The following SIRT4 variants were observed in gnomAD, a reference collection of about 807,000 sequenced individuals.
SIRT4 encodes the protein sirtuin 4.
A neutral mutation model predicts 26.1 loss-of-function variants in SIRT4; 23 were observed. That is an observed-to-expected ratio of 0.88 (90% CI 0.63 to 1.25). The LOEUF (loss-of-function observed/expected upper bound fraction) is 1.25. Among genes scored for constraint, SIRT4 ranks in the 50% most tolerant of loss-of-function variants. The probability of loss-of-function intolerance (pLI) is 0.00; values close to 1 mark genes in which losing one functional copy is unlikely to be tolerated. For missense variants in SIRT4, 361 were observed against 405.4 expected (o/e 0.89, Z 0.94); for synonymous variants, 155 against 158.4 (o/e 0.98, Z 0.16).
intron 2 of SIRT4, among the ~76,000 whole-genome samples, chr12:120,310,320 C>G (rs374403432): frequency 6.6e-6 from 1 of 151,916 alleles, no homozygotes; most frequent in Non-Finnish European, 1.5e-5. Context: ...GAGCCGAGAT[C>G]GCGCCATTGC....
chr12:120,299,545 C>T (rs1231810875), upstream of SIRT4, among the ~76,000 whole-genome samples: 1 of 95,618 alleles, frequency 1.0e-5, no homozygotes, highest in Admixed American at 1.2e-4. Context: ...GAGCTAGACT[C>T]TCTCAAAAAA....
chr12:120,311,870 G>GAA (rs1312650832), intron 2 of SIRT4, among the ~76,000 whole-genome samples: 1 of 151,884 alleles, frequency 6.6e-6, no homozygotes. Flanking sequence ...ATGAGCAAGG[G>GAA]AAAGTATAGA....
upstream of SIRT4, among the ~76,000 whole-genome samples, chr12:120,299,517 A>T (rs2136822830): frequency 6.7e-6 from 1 of 150,334 alleles, no homozygotes; most frequent in South Asian, 2.1e-4. Context: ...GCGCCACTGC[A>T]CTCCAGCCTG....
chr12:120,301,519 G>T (rs115317963), upstream of SIRT4, among the ~76,000 whole-genome samples: 20 of 152,144 alleles, frequency 1.3e-4, no homozygotes, highest in Non-Finnish European at 2.9e-5. Flanking sequence ...TCAAATCTAG[G>T]CCGGGAACAG....
At chr12:120,308,023 A>AT (rs1872807815) in intron 2 of SIRT4, among the ~76,000 whole-genome samples, 2 of 150,512 alleles carry the variant, frequency 1.3e-5, no homozygotes, top group African/African-American at 4.9e-5. Context: ...TTAAAAAAAA[A>AT]ATTTTTTTTT....
At chr12:120,300,467 A>G (rs539701889), upstream of SIRT4, among the ~76,000 whole-genome samples, 73 of 152,158 alleles carry the variant, frequency 4.8e-4, 1 homozygote, top group Middle Eastern at 6.8e-3. Context: ...TTTTGAAGAG[A>G]TGGGATCTCA....
chr12:120,299,222 A>AAAATAAATAAATAAAT (rs34606459), upstream of SIRT4, among the ~76,000 whole-genome samples: 2 of 143,590 alleles, frequency 1.4e-5, no homozygotes, highest in African/African-American at 5.1e-5. Context: ...CTCCGTCTCA[A>AAAATAAATAAATAAAT]AAATAAATAA....
chr12:120,301,237 C>A (rs1872533157), upstream of SIRT4, among the ~76,000 whole-genome samples: 1 of 152,064 alleles, frequency 6.6e-6, no homozygotes, highest in Admixed American at 6.6e-5. Context: ...CCCTGCTACT[C>A]AGGAGGCTGA....
chr12:120,302,807 C>T (rs1476078850), intron 1 of SIRT4, among the ~76,000 whole-genome samples: 3 of 151,268 alleles, frequency 2.0e-5, no homozygotes, highest in Non-Finnish European at 4.4e-5. Context: ...GCAACCTCCG[C>T]CTCCCGGGTT....
Position 120,303,802 on chromosome 12 carries a change from C to A in SIRT4, c.241C>A (p.Leu81Ile). 6.2e-7 allele frequency: 1 copy of A among 1,614,078 alleles called. No homozygotes were observed. The highest frequency in any genetic ancestry group is 8.5e-7 in the Non-Finnish European group (1 of 1,179,974). The change falls in exon 2 of 4, where the codon CTT becomes ATT. Residue 81 changes from leucine (L) to isoleucine (I), a missense_variant. Coordinates refer to ENST00000202967, the MANE Select transcript of SIRT4 (RefSeq NM_012240.3). ...IPDYRSEKVG[L>I]YARTDRRPIQ... ...AGACTACAGGTCAGAAAAAGTGGGG[C>A]TTTATGCCCGCACTGACCGCAGGCC...
chr12:120,303,909 C>A lies in SIRT4; in HGVS notation c.348C>A (p.Phe116Leu). 6.2e-7 allele frequency: 1 copy of A among 1,614,202 alleles called. No individual in the cohort carries two copies. The highest frequency in any genetic ancestry group is 8.5e-7 in the Non-Finnish European group (1 of 1,180,038). ...WARNFVGWPQFSSHQPNPAHW... is the reference protein window; with the variant it reads ...WARNFVGWPQLSSHQPNPAHW... ...GAAACTTCGTAGGCTGGCCTCAATT[C>A]TCCTCCCACCAGCCTAACCCTGCAC... Residue 116 changes from phenylalanine (F) to leucine (L), a missense_variant, in exon 2 of 4, where the codon TTC (phenylalanine) becomes TTA (leucine). Physicochemically the swap from Phe to Leu is conservative, Grantham distance 22. Transcript: ENST00000202967.
At chr12:120,311,096 TG>T (rs1565872467) in intron 2 of SIRT4, among the ~76,000 whole-genome samples, 2 of 141,686 alleles carry the variant, frequency 1.4e-5, no homozygotes, top group African/African-American at 5.2e-5. Flanking sequence ...CAGTGGCTCA[TG>T]CCTGTAATCC....
In SIRT4 at chr12:120,312,767, G is replaced by C. The variant is rs1466217651; in HGVS notation, c.792+17G>C. ...TCCTTGCAGGTATCTGACTTGGCAA[G>C]AGTGGTAACCACCCCTTGTGCGGGA... On this transcript the variant is annotated intron_variant, in intron 3 of 3. Coordinates refer to ENST00000202967, the MANE Select transcript of SIRT4 (RefSeq NM_012240.3). 6.2e-7 allele frequency: 1 copy of C among 1,609,154 alleles called. No individual in the cohort carries two copies. The highest frequency in any genetic ancestry group is 8.5e-7 in the Non-Finnish European group (1 of 1,177,036).
At chr12:120,301,006 G>A (rs1179514128), upstream of SIRT4, among the ~76,000 whole-genome samples, 1 of 152,172 alleles carries the variant, frequency 6.6e-6, no homozygotes, top group Non-Finnish European at 1.5e-5. Flanking sequence ...AGCAGGTTAA[G>A]TACATTAGTC....
upstream of SIRT4, among the ~76,000 whole-genome samples, chr12:120,300,593 C>A (rs1382573753): frequency 6.6e-6 from 1 of 152,108 alleles, no homozygotes; most frequent in African/African-American, 2.4e-5. Context: ...ACTACAGGCA[C>A]ACACCACCAC....
At chr12:120,292,742 G>A in the SIRT4 span, among the ~76,000 whole-genome samples, 1 of 143,926 alleles carries the variant, frequency 6.9e-6, no homozygotes, top group South Asian at 2.2e-4. Flanking sequence ...ACAGGGGTTC[G>A]GCAAAGTTTG....
chr12:120,301,655 A>T (rs944003847), upstream of SIRT4, among the ~76,000 whole-genome samples: 9 of 151,870 alleles, frequency 5.9e-5, no homozygotes, highest in Non-Finnish European at 1.2e-4. Flanking sequence ...CAAAAACTTT[A>T]AAAAAAAGTC....
chr12:120,297,596 C>T (rs957262632), upstream of SIRT4, among the ~76,000 whole-genome samples: 5 of 151,960 alleles, frequency 3.3e-5, no homozygotes, highest in African/African-American at 9.7e-5. Flanking sequence ...ATGACTTCAC[C>T]GTCCAGGGAT....
chr12:120,292,456 A>T, the SIRT4 span, among the ~76,000 whole-genome samples: 1 of 152,030 alleles, frequency 6.6e-6, no homozygotes, highest in Non-Finnish European at 1.5e-5. Flanking sequence ...CAAAAAAATC[A>T]GCGGGGTGCG....
Sources: allele counts gnomAD v4.1 joint callset (sites outside exome capture counted in the v4.1 genomes callset), GRCh38; gene constraint gnomAD v4.1.1; transcripts MANE v1.5; gene names NCBI Gene and HGNC (gene_info 2026-07-23, HGNC 2026-07-21).